The following PAQR5 variants were observed in gnomAD, a reference collection of about 807,000 sequenced individuals.
PAQR5 encodes progestin and adipoQ receptor family member 5, also known as membrane progestin receptor gamma.
In PAQR5, 20 loss-of-function variants were observed where a neutral mutation model predicts 34.5. The observed-to-expected ratio is 0.58, with a 90% CI of 0.41 to 0.84. The LOEUF is 0.84. PAQR5 is among the 40% of genes least tolerant of loss of function. The probability of loss-of-function intolerance (pLI) is 0.00; values close to 1 mark genes in which losing one functional copy is unlikely to be tolerated. For missense variants in PAQR5, 378 were observed against 412.7 expected, an observed-to-expected ratio of 0.92 and a Z score of 0.73; for synonymous variants, 131 against 155.6, an observed-to-expected ratio of 0.84 and a Z score of 1.18.
intron 3 of PAQR5, among the ~76,000 whole-genome samples, chr15:69,371,931 G>A (rs1247524991): frequency 2.0e-5 from 3 of 151,966 alleles, no homozygotes; most frequent in Non-Finnish European, 2.9e-5. Flanking sequence ...TCTTCTCATC[G>A]TCCTATATCT....
intron 6 of PAQR5, among the ~76,000 whole-genome samples, chr15:69,392,341 T>G (rs1411637034): frequency 1.3e-5 from 2 of 152,182 alleles, no homozygotes; most frequent in African/African-American, 4.8e-5. Flanking sequence ...TGGGGTCTTT[T>G]GGATGTGGCA....
intron 1 of PAQR5, among the ~76,000 whole-genome samples, chr15:69,316,472 C>T (rs1004104692): frequency 9.2e-5 from 14 of 152,236 alleles, no homozygotes; most frequent in Admixed American, 4.6e-4. Context: ...TGTCACATTT[C>T]AGCCACGGGG....
intron 3 of PAQR5, among the ~76,000 whole-genome samples, chr15:69,377,409 G>A (rs547161585): frequency 9.8e-5 from 15 of 152,308 alleles, no homozygotes; most frequent in Admixed American, 3.9e-4. Context: ...CCTGCTGCCC[G>A]TTACAGGAAT....
chr15:69,370,046 G>A (rs1035880022), intron 3 of PAQR5, among the ~76,000 whole-genome samples: 1 of 152,180 alleles, frequency 6.6e-6, no homozygotes, highest in Admixed American at 6.5e-5. Flanking sequence ...ACTCCAGACA[G>A]CATATTAATT....
At chr15:69,350,232 C>G (rs952792323) in intron 2 of PAQR5, among the ~76,000 whole-genome samples, 7 of 152,220 alleles carry the variant, frequency 4.6e-5, no homozygotes, top group African/African-American at 1.7e-4. Flanking sequence ...AATCGTCTGT[C>G]TCGTGCAGAT....
intron 3 of PAQR5, among the ~76,000 whole-genome samples, chr15:69,361,448 T>A (rs1400348388): frequency 2.0e-5 from 3 of 152,180 alleles, no homozygotes; most frequent in African/African-American, 7.2e-5. Context: ...GTCACTTCCA[T>A]CACGAGGGAG....
At chr15:69,375,067 C>T (rs966818050) in intron 3 of PAQR5, among the ~76,000 whole-genome samples, 3 of 152,156 alleles carry the variant, frequency 2.0e-5, no homozygotes, top group Non-Finnish European at 2.9e-5. Context: ...ATAACCTCAC[C>T]GCTCATATTA....
At chr15:69,402,445 G>A (rs922342630) in intron 8 of PAQR5, among the ~76,000 whole-genome samples, 3 of 152,008 alleles carry the variant, frequency 2.0e-5, no homozygotes, top group Non-Finnish European at 4.4e-5. Context: ...AGCCTCCAGA[G>A]TAGCTGGGAT....
intron 1 of PAQR5, among the ~76,000 whole-genome samples, chr15:69,325,372 G>A (rs1300644270): frequency 1.3e-5 from 2 of 152,124 alleles, no homozygotes; most frequent in African/African-American, 2.4e-5. Flanking sequence ...CTCTTGCAGA[G>A]GGAACGAGCA....
At chr15:69,401,068 T>C (rs2056612117) in intron 8 of PAQR5, 1 of 152,282 alleles carries the variant, frequency 6.6e-6, no homozygotes, top group Non-Finnish European at 1.5e-5. Context: ...GGTTTCCACC[T>C]GCTGGCAGAG....
chr15:69,371,387 A>T (rs897094163), intron 3 of PAQR5, among the ~76,000 whole-genome samples: 1 of 152,194 alleles, frequency 6.6e-6, no homozygotes, highest in Non-Finnish European at 1.5e-5. Context: ...AATTATATTA[A>T]GCAGAAAAAT....
chr15:69,311,771 A>C (rs779878167), intron 1 of PAQR5, among the ~76,000 whole-genome samples: 3 of 152,196 alleles, frequency 2.0e-5, no homozygotes, highest in Non-Finnish European at 4.4e-5. Context: ...CCCTGCAGCC[A>C]CACACTGGGT....
chr15:69,366,683 T>C (rs1382975599), intron 3 of PAQR5, among the ~76,000 whole-genome samples: 1 of 152,210 alleles, frequency 6.6e-6, no homozygotes, highest in Non-Finnish European at 1.5e-5. Flanking sequence ...TCTCCAGTTG[T>C]TGGAGGAAGT....
intron 2 of PAQR5, among the ~76,000 whole-genome samples, chr15:69,349,794 A>G (rs932357491): frequency 2.6e-5 from 4 of 151,962 alleles, no homozygotes; most frequent in African/African-American, 9.7e-5. Context: ...GGTGCCCACC[A>G]CCACACCCGG....
chr15:69,323,372 C>T (rs1005562166), intron 1 of PAQR5, among the ~76,000 whole-genome samples: 2 of 152,228 alleles, frequency 1.3e-5, no homozygotes, highest in African/African-American at 2.4e-5. Flanking sequence ...TTTATGCCTT[C>T]GGCTCAGGGA....
At chr15:69,390,340 A>ATTTTTTTT (rs1450802023) in intron 6 of PAQR5, among the ~76,000 whole-genome samples, 5 of 99,446 alleles carry the variant, frequency 5.0e-5, no homozygotes, top group Non-Finnish European at 1.2e-4. Context: ...TTATTTATTT[A>ATTTTTTTT]TTTATTTATT....
At chr15:69,316,894 A>G (rs2053964396) in intron 1 of PAQR5, among the ~76,000 whole-genome samples, 1 of 152,172 alleles carries the variant, frequency 6.6e-6, no homozygotes, top group Non-Finnish European at 1.5e-5. Flanking sequence ...ATTTTGGCTC[A>G]CTGCAACACC....
chr15:69,325,861 C>T lies in PAQR5; in HGVS notation c.-276-11480C>T, dbSNP rs150836569. On this transcript the variant is annotated intron_variant, in intron 1 of 8. Coordinates refer to ENST00000395407, the MANE Select transcript of PAQR5 (RefSeq NM_017705.4). ...CCGGGAAACTAAGGTTCTGGGTGAA[C>T]GCTTATCATCACCTCTACCACATCA... Among the ~76,000 whole-genome samples the T allele has an allele frequency of 5.7e-4, 87 of 152,236 alleles. 1 individual carries two copies. Among genetic ancestry groups the T allele is most frequent in the Admixed American group, 3.7e-3 (57 of 15,296 alleles).
Position 69,405,270 on chromosome 15 carries a change from A to G in PAQR5, c.*1448A>G, listed in dbSNP as rs1376310772. ...TCACAATGCAGGATCCTCTTTGCTG[A>G]CTCAGGAATACTCCATATTTTAGAC... On this transcript the variant is annotated 3_prime_UTR_variant, in exon 9 of 9. Transcript: ENST00000395407. The G allele has an allele frequency of 3.1e-5, 10 of 326,744 alleles. No homozygotes were observed. The highest frequency in any genetic ancestry group is 5.0e-5 in the Non-Finnish European group (9 of 181,468). 20.2% of individuals were successfully genotyped at this position (326,744 alleles called of 1,614,324 possible).
Sources: gnomAD v4.1 joint callset for allele counts (sites outside exome capture counted in the v4.1 genomes callset) on GRCh38, gnomAD v4.1.1 for gene constraint, MANE v1.5 for transcripts, NCBI Gene and HGNC (gene_info 2026-07-23, HGNC 2026-07-21) for gene names.